Variants in FGF12 observed in about 807,000 individuals in gnomAD.
FGF12 encodes the protein fibroblast growth factor 12B.
FGF12 carries 14 observed loss-of-function variants against 23.6 expected under a neutral mutation model. The ratio of observed to expected loss-of-function variants is 0.59; its 90% CI spans 0.39 to 0.93. The LOEUF (loss-of-function observed/expected upper bound fraction) is 0.93, where lower values mean the gene tolerates loss of function less well. Ranked by LOEUF, FGF12 falls within the 40% of genes least tolerant of loss-of-function variation. The probability of loss-of-function intolerance (pLI) is 0.00; values close to 1 mark genes in which losing one functional copy is unlikely to be tolerated. For missense variants in FGF12, 175 were observed against 217.8 expected, an observed-to-expected ratio of 0.80 and a Z score of 1.24; for synonymous variants, 62 against 77.3, an observed-to-expected ratio of 0.80 and a Z score of 1.04.
rs1712090345 is a variant in FGF12 at position 192,252,477 on chromosome 3, AAAAAAAAAAAAAAAAAG to A, written c.229-81838_229-81822del. On this transcript the variant is annotated intron_variant, in intron 4 of 5. Coordinates refer to ENST00000445105, the MANE Select transcript of FGF12 (RefSeq NM_004113.6). Reference sequence around the variant, plus strand: ...GAATCTGTCTCAAAAAAAAAAAAAAAAAAAAAAAAAAAAAAAGAAAAGAGAAGAGAAGACAAGAGAAG... The same window carrying A: ...GAATCTGTCTCAAAAAAAAAAAAAAAAAAAGAGAAGAGAAGACAAGAGAAG... 2.0e-5 allele frequency among the ~76,000 whole-genome samples: 3 copies of A among 148,208 alleles called. No homozygotes were observed. In the South Asian group the frequency reaches 6.4e-4, roughly 32 times the overall value.
chr3:192,434,645 G>T (rs766023695), intron 2 of FGF12, among the ~76,000 whole-genome samples: 10 of 152,072 alleles, frequency 6.6e-5, no homozygotes, highest in Non-Finnish European at 1.5e-4. Context: ...GTTCTTGTTT[G>T]TTCTCCTTGA....
chr3:192,724,202 C>T (rs1203758414), intron 2 of FGF12, among the ~76,000 whole-genome samples: 1 of 152,144 alleles, frequency 6.6e-6, no homozygotes, highest in Admixed American at 6.5e-5. Context: ...TACAAATTGC[C>T]TAGGTACTTT....
Position 192,408,556 on chromosome 3 carries a change from G to C in FGF12, c.14-48018C>G. On this transcript the variant is annotated intron_variant, in intron 2 of 5. Coordinates refer to ENST00000445105, the MANE Select transcript of FGF12 (RefSeq NM_004113.6). This position sits in a 1 kb window ranked among gnomAD's most constrained non-coding sequence, Gnocchi z 7.3. ...GCGATCGGCGTCCAAGGGGCAGTGG[G>C]GAGTTTAGTCACACTGCGTTCGGGG... 8.7e-7 allele frequency: 1 copy of C among 1,148,678 alleles called. No homozygotes were observed. The highest frequency in any genetic ancestry group is 1.1e-6 in the Non-Finnish European group (1 of 932,608). The allele number at this position is 1,148,678 out of a possible 1,614,324, so 71.2% of individuals were successfully genotyped here.
At chr3:192,462,339 T>G (rs1722889215) in intron 2 of FGF12, among the ~76,000 whole-genome samples, 1 of 152,064 alleles carries the variant, frequency 6.6e-6, no homozygotes, top group African/African-American at 2.4e-5. Context: ...ATGAATGGAT[T>G]AATCCATTCA....
chr3:192,609,314 C>T (rs1416515259), intron 2 of FGF12, among the ~76,000 whole-genome samples: 1 of 151,978 alleles, frequency 6.6e-6, no homozygotes. Flanking sequence ...GGGGGTGAAG[C>T]GTGTGAAAAG....
chr3:192,158,620 TTC>T (rs57516881), intron 5 of FGF12, among the ~76,000 whole-genome samples: 21,302 of 68,920 alleles, frequency 0.31, 2,204 homozygotes, highest in East Asian at 0.54. Context: ...TCTTCCTTCT[TTC>T]TTTCTCTCTG....
intron 2 of FGF12, among the ~76,000 whole-genome samples, chr3:192,479,505 C>A (rs1331449236): frequency 1.3e-5 from 2 of 151,678 alleles, no homozygotes; most frequent in African/African-American, 4.9e-5. Flanking sequence ...TCTCTTTCAC[C>A]AAACAAAATG....
chr3:192,721,511 T>C (rs1560205672), intron 2 of FGF12, among the ~76,000 whole-genome samples: 2 of 152,298 alleles, frequency 1.3e-5, no homozygotes, highest in Non-Finnish European at 2.9e-5. Flanking sequence ...ACGAACGTTA[T>C]TTATGGGTGT....
At chr3:192,727,441 G>A (rs1577144737) in intron 1 of FGF12, 43 bp downstream of exon 1, 1 of 1,033,116 alleles carries the variant, frequency 9.7e-7, no homozygotes. Flanking sequence ...ATACTGAAAT[G>A]CATGCACAGT....
In FGF12 at chr3:192,566,941, T is replaced by C. The variant is rs1288898504; in HGVS notation, c.13+160240A>G. 1.3e-5 allele frequency among the ~76,000 whole-genome samples: 2 copies of C among 152,154 alleles called. 1 individual carries two copies. Among genetic ancestry groups the C allele is most frequent in the Non-Finnish European group, 2.9e-5 (2 of 68,038 alleles). On this transcript the variant is annotated intron_variant, in intron 2 of 5. Coordinates refer to ENST00000445105, the MANE Select transcript of FGF12 (RefSeq NM_004113.6). ...CTAGAGGGTGCTATGCACTGAATTC[T>C]CAGATTCCGTCTATTCTCTATTGAG...
intron 4 of FGF12, among the ~76,000 whole-genome samples, chr3:192,235,857 T>C (rs528219112): frequency 6.6e-6 from 1 of 152,306 alleles, no homozygotes; most frequent in South Asian, 2.1e-4. Context: ...CTTAATTTCA[T>C]TCAGTTCATC....
At chr3:192,547,972 G>T (rs562616299) in intron 2 of FGF12, among the ~76,000 whole-genome samples, 76 of 152,238 alleles carry the variant, frequency 5.0e-4, no homozygotes, top group Admixed American at 9.2e-4. Context: ...GAATGTAGAT[G>T]ACTAGAACCA....
chr3:192,143,505 A>G lies in FGF12; in HGVS notation c.*504T>C, dbSNP rs1189618895. 1 of 152,258 alleles carries G rather than the reference A, an allele frequency of 6.6e-6. No homozygotes were observed. The highest frequency in any genetic ancestry group is 1.5e-5 in the Non-Finnish European group (1 of 68,106). The allele number at this position is 152,258 out of a possible 1,614,324, so 9.4% of individuals were successfully genotyped here. ...GTTCAATTTCATGGTTACAAAAAAA[A>G]TCCTGCAAACAGAATGTAATGGTGT... On this transcript the variant is annotated 3_prime_UTR_variant, in exon 6 of 6. Transcript: ENST00000445105.
intron 5 of FGF12, among the ~76,000 whole-genome samples, chr3:192,157,624 C>G (rs1435077490): frequency 6.6e-6 from 1 of 152,132 alleles, no homozygotes. Flanking sequence ...CTCAGATTCC[C>G]CTATTTACAA....
intron 4 of FGF12, among the ~76,000 whole-genome samples, chr3:192,242,468 C>T (rs964832075): frequency 1.3e-5 from 2 of 151,988 alleles, no homozygotes; most frequent in Admixed American, 6.6e-5. Context: ...CAGTTGAGAA[C>T]CACTGAAGTA....
At chr3:192,704,329 C>T (rs898189078) in intron 2 of FGF12, among the ~76,000 whole-genome samples, 1 of 152,180 alleles carries the variant, frequency 6.6e-6, no homozygotes, top group Non-Finnish European at 1.5e-5. Flanking sequence ...TGCAGAATGG[C>T]TGTTGTGTTA....
chr3:192,257,703 C>T (rs1476590587), intron 4 of FGF12, among the ~76,000 whole-genome samples: 5 of 152,008 alleles, frequency 3.3e-5, no homozygotes, highest in Non-Finnish European at 5.9e-5. Flanking sequence ...TGTGTTTTTA[C>T]TCTTAAGCAT....
intron 4 of FGF12, among the ~76,000 whole-genome samples, chr3:192,177,562 C>T (rs910834369): frequency 2.6e-5 from 4 of 152,222 alleles, no homozygotes; most frequent in Admixed American, 2.6e-4. Context: ...AACCATAATT[C>T]ATCTTCACTC....
At chr3:192,322,823 C>T (rs1716621151) in intron 4 of FGF12, among the ~76,000 whole-genome samples, 1 of 152,154 alleles carries the variant, frequency 6.6e-6, no homozygotes, top group Non-Finnish European at 1.5e-5. Flanking sequence ...AGACCTCTAT[C>T]TCTTGTCATG....
Sources: allele counts gnomAD v4.1 joint callset (sites outside exome capture counted in the v4.1 genomes callset), GRCh38; gene constraint gnomAD v4.1.1; non-coding constraint Gnocchi (gnomAD v3.1); transcripts MANE v1.5; gene names NCBI Gene and HGNC (gene_info 2026-07-23, HGNC 2026-07-21).